The following HK1 variants were observed in gnomAD, a reference collection of about 807,000 sequenced individuals.
HK1 encodes hexokinase-1.
Under a neutral mutation model 91.6 loss-of-function variants are expected in HK1, and 28 were observed. The observed-to-expected ratio is 0.31, with a 90% confidence interval of 0.23 to 0.42. The LOEUF is 0.42. Among genes scored for constraint, HK1 ranks in the 10% least tolerant of loss-of-function variants. HK1 has a pLI of 1.00. For missense variants in HK1, 770 were observed against 1,219.8 expected (o/e 0.63, Z 5.49); for synonymous variants, 430 against 468.1 (o/e 0.92, Z 1.05).
chr10:69,363,108 C>T (rs185979187), intron 3 of HK1, among the ~76,000 whole-genome samples: 67 of 152,324 alleles, frequency 4.4e-4, no homozygotes, highest in African/African-American at 1.6e-3. Context: ...GGGCTGGGGC[C>T]ACTTCATGTG....
At position 69,358,298 on chromosome 10, in the gene HK1, A is replaced by G. The variant is rs12252489; in HGVS notation, c.227-1599A>G. On this transcript the variant is annotated intron_variant, in intron 2 of 17. Transcript: ENST00000359426. ...TGTTTGGCTGTGGCTTAATGGTTGG[A>G]ACTTTGCCCATGGCCGCCTGCCTTT... is the stretch of plus-strand genomic sequence containing the variant. 1.4e-3 allele frequency among the ~76,000 whole-genome samples: 220 copies of G among 152,326 alleles called. 1 individual carries two copies. Among genetic ancestry groups the G allele is most frequent in the African/African-American group, 5.1e-3 (214 of 41,586 alleles).
chr10:69,316,127 C>T (rs1299954485), upstream of HK1: 13 of 898,068 alleles, frequency 1.4e-5, no homozygotes, highest in South Asian at 1.0e-4. Flanking sequence ...ATATGAGCGG[C>T]GAACAAATGG....
chr10:69,316,149 T>C (rs1470474047), upstream of HK1: 4 of 800,690 alleles, frequency 5.0e-6, no homozygotes, highest in Non-Finnish European at 8.9e-6. Context: ...GTGGACATGG[T>C]GGGGGCAGAG....
chr10:69,384,173 CT>C (rs1395160857), intron 10 of HK1, among the ~76,000 whole-genome samples, 159 bp from the exon 11 acceptor site: 4 of 152,230 alleles, frequency 2.6e-5, no homozygotes, highest in Non-Finnish European at 4.4e-5. Context: ...GGTGCCCACT[CT>C]TCCTCTGAGT....
rs568635770 is a variant in HK1 at position 69,300,531 on chromosome 10, G to A, written c.-66-238G>A. 47 of 718,190 alleles carry A rather than the reference G, an allele frequency of 6.5e-5. 2 individuals are homozygous for A. In the African/African-American group the frequency reaches 8.0e-4, roughly 12 times the overall value. The allele number at this position is 718,190 out of a possible 1,614,324, so 44.5% of individuals were successfully genotyped here. On this transcript the variant is annotated intron_variant, in intron 4 of 21. Coordinates refer to the HK1 transcript ENST00000360289. ...CTGTCAGTACAATGAAATCAAACTGGCCAGATGGAAGCAGATTATTCTGCA... is the reference window on the plus strand; with the variant it reads ...CTGTCAGTACAATGAAATCAAACTGACCAGATGGAAGCAGATTATTCTGCA...
At chr10:69,329,721 A>G (rs1276798136) in intron 1 of HK1, among the ~76,000 whole-genome samples, 1 of 152,154 alleles carries the variant, frequency 6.6e-6, no homozygotes, top group African/African-American at 2.4e-5. Flanking sequence ...GTTTAGGGAA[A>G]CAGATGCAAG....
chr10:69,288,833 C>T, intron 3 of HK1: 1 of 1,429,988 alleles, frequency 7.0e-7, no homozygotes, highest in East Asian at 2.3e-5. Context: ...ATCGCCCAGG[C>T]TGGAGTGTAG....
chr10:69,387,300 C>CT (rs1363644433), intron 13 of HK1, among the ~76,000 whole-genome samples: 1 of 152,018 alleles, frequency 6.6e-6, no homozygotes, highest in Non-Finnish European at 1.5e-5. Flanking sequence ...TTAAAGTTTC[C>CT]TTTTTTGAGA....
chr10:69,286,010 A>G (rs1024968063), intron 2 of HK1, among the ~76,000 whole-genome samples: 3 of 152,224 alleles, frequency 2.0e-5, no homozygotes, highest in Non-Finnish European at 4.4e-5. Context: ...GCTTTTAAGA[A>G]ATAAATACCA....
chr10:69,311,760 C>T (rs1163287068), upstream of HK1, among the ~76,000 whole-genome samples: 2 of 152,128 alleles, frequency 1.3e-5, no homozygotes, highest in Non-Finnish European at 2.9e-5. Flanking sequence ...CCTCAGCCTC[C>T]CGAGTAGCTG....
intron 1 of HK1, 37 bp from the exon 2 acceptor site, chr10:69,343,790 C>G (rs750465616): frequency 1.7e-5 from 27 of 1,571,292 alleles, no homozygotes; most frequent in South Asian, 1.5e-4. Context: ...TGTCCTCCCC[C>G]TCGACCTCAC....
chr10:69,377,073 G>T lies in HK1; in HGVS notation c.1015G>T (p.Val339Leu). The part of the protein sequence containing the change: ...LTRGKFNTSD[V>L]SAIEKNKEGL... ...CCGAGGGAAGTTTAACACCAGTGAT[G>T]TGTCAGCCATCGAAAAGTAGGTACC... The change falls in exon 8 of 18, where the codon GTG becomes TTG. Residue 339 changes from valine (V) to leucine (L), a missense_variant. Around this residue, in one of 7 missense-constraint regions of HK1, gnomAD observed 449 missense variants for 665.1 expected, o/e 0.68. Transcript: ENST00000359426. The T allele has an allele frequency of 6.2e-7, 1 of 1,614,202 alleles. No individual in the cohort carries two copies. The highest frequency in any genetic ancestry group is 8.5e-7 in the Non-Finnish European group (1 of 1,180,024).
intron 5 of HK1, among the ~76,000 whole-genome samples, chr10:69,305,500 C>T (rs1034889526): frequency 2.0e-5 from 3 of 151,802 alleles, no homozygotes; most frequent in Non-Finnish European, 2.9e-5. Context: ...CTGTCTCTCC[C>T]GATCAGAATG....
At chr10:69,322,443 G>A (rs1847091383) in intron 1 of HK1, among the ~76,000 whole-genome samples, 1 of 152,214 alleles carries the variant, frequency 6.6e-6, no homozygotes, top group Non-Finnish European at 1.5e-5. Flanking sequence ...TGCTGTTGAA[G>A]AGAGTGTGAT....
Position 69,395,067 on chromosome 10 carries a change from G to C in HK1, c.2337G>C (p.Arg779=). 4 of 1,614,022 alleles carry C rather than the reference G, an allele frequency of 2.5e-6. No individual in the cohort carries two copies. Among genetic ancestry groups the C allele is most frequent in the Admixed American group, 1.7e-5 (1 of 60,012 alleles). Residue 779 remains arginine (R), a synonymous_variant, in exon 16 of 18, where the codon CGG becomes CGC. Transcript: ENST00000359426. ...RGQISETLKT[R]GIFETKFLSQ... ...AGATCTCTGAGACGCTGAAGACCCG[G>C]GGCATCTTTGAGACCAAGTTTCTCT...
intron 8 of HK1, among the ~76,000 whole-genome samples, chr10:69,378,309 C>CA (rs59016959): frequency 0.14 from 19,549 of 139,624 alleles, 1,436 homozygotes; most frequent in South Asian, 0.19. Context: ...AAGGCTATCT[C>CA]AAAAAAAAAA....
At chr10:69,292,285 C>A in intron 3 of HK1, 1 of 421,170 alleles carries the variant, frequency 2.4e-6, no homozygotes. Flanking sequence ...GTTGCCCAGG[C>A]TGTTCTTAAA....
At chr10:69,382,368 C>G in intron 9 of HK1, 119 bp from the exon 10 acceptor site, 2 of 1,090,396 alleles carry the variant, frequency 1.8e-6, no homozygotes, top group Non-Finnish European at 2.8e-6. Context: ...GAGCAAGACC[C>G]TGTCTCAAAA....
intron 1 of HK1, among the ~76,000 whole-genome samples, chr10:69,272,673 T>G (rs147672478): frequency 2.4e-4 from 36 of 152,108 alleles, no homozygotes; most frequent in African/African-American, 7.7e-4. Flanking sequence ...TTTTTCCCCT[T>G]TCTAGCTGTT....
Sources: allele counts gnomAD v4.1 joint callset (sites outside exome capture counted in the v4.1 genomes callset), GRCh38; gene constraint gnomAD v4.1.1; regional missense constraint gnomAD v4.1.1; transcripts MANE v1.5; gene names NCBI Gene and HGNC (gene_info 2026-07-23, HGNC 2026-07-21).